Variants in TRIP12 observed in about 807,000 individuals in gnomAD.
The protein encoded by TRIP12 is thyroid hormone receptor interactor 12.
In TRIP12, 25 loss-of-function variants were observed where a neutral mutation model predicts 244.2. The observed-to-expected ratio is 0.10, with a 90% CI of 0.07 to 0.14. The LOEUF (loss-of-function observed/expected upper bound fraction) is 0.14, where lower values mean the gene tolerates loss of function less well. TRIP12 is among the 10% of genes least tolerant of loss of function. The probability of loss-of-function intolerance (pLI) is 1.00; values close to 1 mark genes in which losing one functional copy is unlikely to be tolerated. For synonymous variants in TRIP12, 905 were observed against 873.1 expected (o/e 1.04, Z -0.64); for missense variants, 1,677 against 2,486.4 (o/e 0.67, Z 6.92).
At chr2:229,915,081 G>A (rs139142061) in intron 1 of TRIP12, among the ~76,000 whole-genome samples, 3,914 of 152,134 alleles carry the variant, frequency 0.026, 62 homozygotes, top group Middle Eastern at 0.065. Flanking sequence ...AGTGAAACCT[G>A]TCTCTACTAA....
chr2:229,779,038 T>C (rs1221305634), intron 34 of TRIP12, 48 bp from the exon 35 acceptor site: 2 of 1,500,054 alleles, frequency 1.3e-6, no homozygotes. Flanking sequence ...AGAATTGTGT[T>C]TTTTTACTGC....
chr2:229,860,552 C>A, intron 2 of TRIP12, 21 bp from the exon 3 acceptor site: 1 of 1,576,056 alleles, frequency 6.3e-7, no homozygotes, highest in East Asian at 2.3e-5. Context: ...AAAATCAAAA[C>A]AGAAATCTAT....
At chr2:229,917,439 T>A (rs1235830006) in intron 1 of TRIP12, among the ~76,000 whole-genome samples, 1 of 122,612 alleles carries the variant, frequency 8.2e-6, no homozygotes, top group Non-Finnish European at 1.7e-5. Context: ...ACTAAGATTA[T>A]ATACAACAAT....
At chr2:229,768,835 C>G in intron 40 of TRIP12, 116 bp from the exon 41 acceptor site, 1 of 937,846 alleles carries the variant, frequency 1.1e-6, no homozygotes, top group East Asian at 2.7e-5. Context: ...ATTACACATA[C>G]ATTTTCCATT....
intron 3 of TRIP12, among the ~76,000 whole-genome samples, chr2:229,859,779 AAAGAT>A (rs2060169394): frequency 6.6e-6 from 1 of 152,380 alleles, no homozygotes; most frequent in South Asian, 2.1e-4. Flanking sequence ...TATCTGATTA[AAAGAT>A]AAGGGTGTTC....
chr2:229,773,383 T>C (rs140182780), intron 38 of TRIP12, among the ~76,000 whole-genome samples: 1 of 151,958 alleles, frequency 6.6e-6, no homozygotes, highest in Non-Finnish European at 1.5e-5. Flanking sequence ...CTAATATATA[T>C]ATATGTATGT....
At chr2:229,802,161 T>C in intron 21 of TRIP12, 91 bp downstream of exon 21, 2 of 937,122 alleles carry the variant, frequency 2.1e-6, no homozygotes, top group South Asian at 2.3e-5. Flanking sequence ...TATATGCTAA[T>C]ATGTTACCAT....
At chr2:229,807,944 A>G (rs937057724) in intron 16 of TRIP12, 80 bp from the exon 17 acceptor site, 25 of 1,419,450 alleles carry the variant, frequency 1.8e-5, no homozygotes, top group Admixed American at 7.1e-5. Context: ...AAATAATCTC[A>G]CACAAACCAA....
rs192375322 is a variant in TRIP12 at position 229,824,830 on chromosome 2, G to A, written c.1450+4363C>T. Among the ~76,000 whole-genome samples the A allele has an allele frequency of 3.3e-3, 505 of 152,300 alleles. 4 individuals are homozygous for A. The highest frequency in any genetic ancestry group is 5.1e-3 in the Non-Finnish European group (349 of 68,010). ...TAAAAGATTATTTATGTGAGAGGAA[G>A]AAGCAGGGAAAATGGAAAGCAAAAG... is the stretch of plus-strand genomic sequence containing the variant. On this transcript the variant is annotated intron_variant, in intron 8 of 41. Coordinates refer to ENST00000675903, the MANE Select transcript of TRIP12 (RefSeq NM_001348323.3).
At chr2:229,832,066 A>G (rs2053586048) in intron 6 of TRIP12, among the ~76,000 whole-genome samples, 1 of 152,108 alleles carries the variant, frequency 6.6e-6, no homozygotes, top group Admixed American at 6.5e-5. Flanking sequence ...CTGAAGAAAA[A>G]GATGCCAAAA....
chr2:229,817,370 C>A (rs1205365859), intron 9 of TRIP12, among the ~76,000 whole-genome samples: 1 of 152,184 alleles, frequency 6.6e-6, no homozygotes, highest in African/African-American at 2.4e-5. Context: ...TAAATTATAC[C>A]TAATTTCTTT....
At chr2:229,826,560 A>T (rs916778757) in intron 8 of TRIP12, among the ~76,000 whole-genome samples, 12 of 152,204 alleles carry the variant, frequency 7.9e-5, no homozygotes, top group African/African-American at 2.9e-4. Flanking sequence ...GTGTCACTTA[A>T]CAAATGGGAT....
In TRIP12 at chr2:229,859,058, C is replaced by A; in HGVS notation, c.741G>T (p.Ser247=). Residue 247 remains serine (S), a synonymous_variant, in exon 4 of 42, where the codon TCG becomes TCT. Transcript: ENST00000675903. The part of the protein sequence containing the change: ...DSSSAASTSS[S]SSAVASASST... ...AGGAGGCCGAGGCTACAGCAGAAGA[C>A]GAGGAGGAAGTAGAGGCAGCAGAAG... is the stretch of plus-strand genomic sequence containing the variant. 6.2e-7 allele frequency: 1 copy of A among 1,614,170 alleles called. No homozygotes were observed. The highest frequency in any genetic ancestry group is 8.5e-7 in the Non-Finnish European group (1 of 1,180,040).
At chr2:229,831,746 CA>C (rs1160004427) in intron 6 of TRIP12, among the ~76,000 whole-genome samples, 1 of 151,650 alleles carries the variant, frequency 6.6e-6, no homozygotes, top group Non-Finnish European at 1.5e-5. Flanking sequence ...CCAACAATGA[CA>C]AAAAAACAGT....
intron 2 of TRIP12, among the ~76,000 whole-genome samples, chr2:229,877,287 C>T (rs2063774295): frequency 6.6e-6 from 1 of 152,076 alleles, no homozygotes; most frequent in Non-Finnish European, 1.5e-5. Context: ...TGCCTGTAAT[C>T]CCAGCACTTT....
Position 229,870,207 on chromosome 2 carries a change from T to C in TRIP12, c.99-9676A>G, listed in dbSNP as rs115800424. On this transcript the variant is annotated intron_variant, in intron 2 of 41. Transcript: ENST00000675903. ...GAGGTGCCGTGCACAACAAAAACCA[T>C]GAAGAACATTATTTATTGCCACCTC... Among the ~76,000 whole-genome samples, 932 of 152,298 alleles carry C rather than the reference T, an allele frequency of 6.1e-3. 7 individuals are homozygous for C. The highest frequency in any genetic ancestry group is 0.021 in the African/African-American group (876 of 41,546).
Position 229,798,724 on chromosome 2 carries a change from G to T in TRIP12, c.3482+151C>A, listed in dbSNP as rs182596342. On this transcript the variant is annotated intron_variant, in intron 23 of 41. Transcript: ENST00000675903. The stretch of plus-strand genomic sequence containing the variant: ...GCCAGATGCAGGGTTCATAAACTGA[G>T]AAACTACCTAATTCTTGAACTATGC... 1.2e-4 allele frequency: 102 copies of T among 869,020 alleles called. No individual in the cohort carries two copies. The African/African-American group carries it at 1.7e-3, about 14-fold the overall frequency. 53.8% of individuals were successfully genotyped at this position (869,020 alleles called of 1,614,324 possible). A position where few individuals can be genotyped will look rare whatever the true frequency, so the allele number is the denominator to read the frequency against.
intron 32 of TRIP12, among the ~76,000 whole-genome samples, chr2:229,788,065 A>T (rs1055864543): frequency 6.6e-6 from 1 of 152,196 alleles, no homozygotes; most frequent in African/African-American, 2.4e-5. Context: ...GGCCTCCCAA[A>T]GTGCTGGGAT....
intron 13 of TRIP12, among the ~76,000 whole-genome samples, chr2:229,813,034 G>A (rs193007589): frequency 5.3e-5 from 8 of 151,864 alleles, no homozygotes; most frequent in African/African-American, 9.7e-5. Context: ...CACCATCCCC[G>A]GCCCATAAAC....
Sources: allele counts gnomAD v4.1 joint callset (sites outside exome capture counted in the v4.1 genomes callset), GRCh38; gene constraint gnomAD v4.1.1; transcripts MANE v1.5; gene names NCBI Gene and HGNC (gene_info 2026-07-23, HGNC 2026-07-21).